Variants in TPX2 observed in about 807,000 individuals in gnomAD.
The protein encoded by TPX2 is targeting protein for Xklp2.
A neutral mutation model predicts 93.6 loss-of-function variants in TPX2; 21 were observed. The ratio of observed to expected loss-of-function variants is 0.22; its 90% CI spans 0.16 to 0.32. The LOEUF (loss-of-function observed/expected upper bound fraction) is 0.32, where lower values mean the gene tolerates loss of function less well. Ranked by LOEUF, TPX2 falls within the 10% of genes least tolerant of loss-of-function variation. TPX2 has a pLI of 1.00. For missense variants in TPX2, 776 were observed against 871.1 expected (o/e 0.89, Z 1.37); for synonymous variants, 281 against 298.3 (o/e 0.94, Z 0.60).
chr20:31,790,762 T>C (rs1464184153), intron 12 of TPX2, among the ~76,000 whole-genome samples: 2 of 152,226 alleles, frequency 1.3e-5, no homozygotes, highest in Non-Finnish European at 2.9e-5. Flanking sequence ...CCAAGGTCTA[T>C]GTTAGGTACT....
chr20:31,767,280 A>C (rs2061933563), intron 5 of TPX2, among the ~76,000 whole-genome samples: 1 of 152,224 alleles, frequency 6.6e-6, no homozygotes, highest in Non-Finnish European at 1.5e-5. Context: ...TCAAACTCTT[A>C]TCAATCTGTT....
intron 2 of TPX2, among the ~76,000 whole-genome samples, chr20:31,751,445 G>A (rs1302823592): frequency 2.0e-5 from 3 of 152,080 alleles, no homozygotes; most frequent in African/African-American, 7.2e-5. Context: ...CCTCCTTGCA[G>A]CAAGGGGTTT....
intron 12 of TPX2, among the ~76,000 whole-genome samples, chr20:31,789,541 C>G (rs1347921089): frequency 2.6e-5 from 4 of 150,964 alleles, no homozygotes; most frequent in Non-Finnish European, 5.9e-5. Context: ...TATGGGAAGA[C>G]AAAAGAATGC....
At position 31,747,743 on chromosome 20, in the gene TPX2, T is replaced by A. The variant is rs372415540; in HGVS notation, c.-71+5096T>A. Among the ~76,000 whole-genome samples the A allele has an allele frequency of 3.3e-5, 5 of 151,786 alleles. No individual in the cohort carries two copies. In the East Asian group the frequency reaches 5.8e-4, roughly 18 times the overall value. ...CTCTTGCTTGGCAACTTGATTTGTT[T>A]GGGGGAATGTGGTTGACGCATGTGC... On this transcript the variant is annotated intron_variant, in intron 2 of 17. Coordinates refer to ENST00000300403, the MANE Select transcript of TPX2 (RefSeq NM_012112.5).
At chr20:31,784,726 G>C (rs1600387181) in intron 12 of TPX2, among the ~76,000 whole-genome samples, 1 of 152,324 alleles carries the variant, frequency 6.6e-6, no homozygotes, top group East Asian at 1.9e-4. Flanking sequence ...TCAGAGAAGT[G>C]AGTTGTAGTT....
chr20:31,774,054 T>C (rs960862390), intron 7 of TPX2, among the ~76,000 whole-genome samples: 4 of 152,080 alleles, frequency 2.6e-5, no homozygotes, highest in Non-Finnish European at 4.4e-5. Flanking sequence ...GTATGTTTAG[T>C]AGAGATGGGG....
intron 17 of TPX2, among the ~76,000 whole-genome samples, chr20:31,799,416 A>G (rs972977332): frequency 6.6e-6 from 1 of 152,212 alleles, no homozygotes; most frequent in African/African-American, 2.4e-5. Flanking sequence ...TATTCTTGAA[A>G]ACTGTAAAGA....
chr20:31,800,931 T>C (rs2062167476), intron 17 of TPX2, 39 bp from the exon 18 acceptor site: 1 of 1,492,140 alleles, frequency 6.7e-7, no homozygotes, highest in East Asian at 2.3e-5. Context: ...CGTAGTTCTC[T>C]GACATCCCTC....
chr20:31,768,267 C>T (rs1384308821), intron 5 of TPX2, among the ~76,000 whole-genome samples: 15 of 137,094 alleles, frequency 1.1e-4, no homozygotes, highest in African/African-American at 3.0e-4. Context: ...AGACGAGTCT[C>T]GCTCTGTCGC....
chr20:31,748,429 G>GA (rs1480177379), intron 2 of TPX2, among the ~76,000 whole-genome samples: 1 of 152,056 alleles, frequency 6.6e-6, no homozygotes, highest in African/African-American at 2.4e-5. Flanking sequence ...AAAAAAAGAG[G>GA]AATCAATGGA....
At position 31,782,350 on chromosome 20, in the gene TPX2, A is replaced by G; in HGVS notation, c.1156A>G (p.Thr386Ala). 1 of 1,613,274 alleles carries G rather than the reference A, an allele frequency of 6.2e-7. No homozygotes were observed. The highest frequency in any genetic ancestry group is 8.5e-7 in the Non-Finnish European group (1 of 1,179,668). The part of the protein sequence containing the change: ...HRARAVTCKS[T>A]AELEAEELEK... ...TGCACGGGCTGTGACCTGCAAAAGTACAGCAGAGCTGGAGGCTGAGGAGCT... is the reference window on the plus strand; with the variant it reads ...TGCACGGGCTGTGACCTGCAAAAGTGCAGCAGAGCTGGAGGCTGAGGAGCT... Residue 386 changes from threonine (T) to alanine (A), a missense_variant, in exon 11 of 18, where the codon ACA becomes GCA. Thr to Ala is a moderately conservative substitution (Grantham distance 58). Coordinates refer to ENST00000300403, the MANE Select transcript of TPX2 (RefSeq NM_012112.5).
chr20:31,787,213 T>C (rs2062072880), intron 12 of TPX2, among the ~76,000 whole-genome samples: 1 of 148,534 alleles, frequency 6.7e-6, no homozygotes. Context: ...CACTGAGAGG[T>C]ATCTAGTATG....
intron 2 of TPX2, 91 bp from the exon 3 acceptor site, chr20:31,757,316 T>C: frequency 1.6e-6 from 1 of 618,478 alleles, no homozygotes; most frequent in Non-Finnish European, 2.9e-6. Context: ...CAGTAAATTC[T>C]AGGTGGTTTG....
chr20:31,777,712 A>G, intron 9 of TPX2, 74 bp downstream of exon 9: 1 of 1,504,988 alleles, frequency 6.6e-7, no homozygotes, highest in Non-Finnish European at 9.1e-7. Context: ...ATTTGTGGTC[A>G]CTGTTTATAA....
intron 3 of TPX2, among the ~76,000 whole-genome samples, chr20:31,759,396 G>GTTTTTT (rs35468756): frequency 2.8e-4 from 28 of 100,394 alleles, no homozygotes; most frequent in African/African-American, 4.9e-4. Flanking sequence ...GTTTTCTTTC[G>GTTTTTT]TTTTTTTTTT....
At chr20:31,759,307 T>C (rs1222214131) in intron 3 of TPX2, among the ~76,000 whole-genome samples, 2 of 148,766 alleles carry the variant, frequency 1.3e-5, no homozygotes, top group Non-Finnish European at 3.0e-5. Context: ...CCCTTATTCC[T>C]CCCACCACCC....
rs1027330895 is a variant in TPX2, at chr20:31,739,382, G to A, written c.-417G>A. On this transcript the variant is annotated 5_prime_UTR_variant, in exon 1 of 18. Coordinates refer to ENST00000300403, the MANE Select transcript of TPX2 (RefSeq NM_012112.5). ...GGGAAGAAAAGAGGGAGCAGCTAGG[G>A]CGCGGGTCTCCCTCCTCCCGGAGTT... 1 of 152,290 alleles carries A rather than the reference G, an allele frequency of 6.6e-6. No homozygotes were observed. The highest frequency in any genetic ancestry group is 1.5e-5 in the Non-Finnish European group (1 of 68,084). The allele number at this position is 152,290 out of a possible 1,614,324, so 9.4% of individuals were successfully genotyped here. A position where few individuals can be genotyped will look rare whatever the true frequency, so the allele number is the denominator to read the frequency against.
chr20:31,801,047 A>G lies in TPX2; in HGVS notation c.2211A>G (p.Val737=). The part of the protein sequence containing the change: ...KSSDQPLTVP[V]SPKFSTRFHC ...GTGACCAGCCTCTGACTGTGCCTGTATCTCCCAAATTCTCCACTCGATTCC... is the reference window on the plus strand; with the variant it reads ...GTGACCAGCCTCTGACTGTGCCTGTGTCTCCCAAATTCTCCACTCGATTCC... The change falls in exon 18 of 18, where the codon GTA becomes GTG. Residue 737 remains valine (V), a synonymous_variant. Coordinates refer to ENST00000300403, the MANE Select transcript of TPX2 (RefSeq NM_012112.5). The G allele has an allele frequency of 3.1e-6, 5 of 1,614,172 alleles. No individual in the cohort carries two copies. The highest frequency in any genetic ancestry group is 4.2e-6 in the Non-Finnish European group (5 of 1,180,022).
chr20:31,759,595 T>C (rs1214107932), intron 3 of TPX2, among the ~76,000 whole-genome samples: 2 of 151,986 alleles, frequency 1.3e-5, no homozygotes, highest in African/African-American at 4.8e-5. Flanking sequence ...AGACGGGGTT[T>C]CACCATGTTG....
Sources: allele counts gnomAD v4.1 joint callset (sites outside exome capture counted in the v4.1 genomes callset), GRCh38; gene constraint gnomAD v4.1.1; transcripts MANE v1.5; gene names NCBI Gene and HGNC (gene_info 2026-07-23, HGNC 2026-07-21).